Variants in UNC13C observed in about 807,000 individuals in gnomAD.
UNC13C encodes unc-13 homolog C.
A neutral mutation model predicts 245.4 loss-of-function variants in UNC13C; 174 were observed. That is an observed-to-expected ratio of 0.71 (90% CI 0.63 to 0.80). The LOEUF is 0.80. Among genes scored for constraint, UNC13C ranks in the 30% least tolerant of loss-of-function variants. The probability of loss-of-function intolerance (pLI) is 0.00; values close to 1 mark genes in which losing one functional copy is unlikely to be tolerated. For missense variants in UNC13C, 2,829 were observed against 2,602.9 expected, an observed-to-expected ratio of 1.09 and a Z score of -1.89; for synonymous variants, 992 against 895.1, an observed-to-expected ratio of 1.11 and a Z score of -1.93.
At chr15:54,038,078 G>A (rs947033985) in intron 2 of UNC13C, among the ~76,000 whole-genome samples, 69 of 127,406 alleles carry the variant, frequency 5.4e-4, no homozygotes, top group African/African-American at 1.9e-3. Flanking sequence ...GTATGTATAT[G>A]TGTGTGTGTA....
the UNC13C span, among the ~76,000 whole-genome samples, chr15:53,889,565 C>T: frequency 6.6e-6 from 1 of 152,042 alleles, no homozygotes; most frequent in Admixed American, 6.6e-5. Flanking sequence ...GCCTGATTGC[C>T]CTGGCCAGAA....
chr15:54,185,860 C>A (rs28853721), intron 4 of UNC13C, among the ~76,000 whole-genome samples: 9,612 of 147,066 alleles, frequency 0.065, 234 homozygotes, highest in African/African-American at 0.13. Flanking sequence ...TTACCTTGGG[C>A]AGTATGGCCA....
chr15:54,511,717 G>T (rs201324008), intron 23 of UNC13C, 36 bp from the exon 24 acceptor site: 3 of 1,408,168 alleles, frequency 2.1e-6, no homozygotes, highest in East Asian at 2.5e-5. Flanking sequence ...TATATAAAAA[G>T]ATTGCTCATA....
intron 4 of UNC13C, among the ~76,000 whole-genome samples, chr15:54,210,200 T>C (rs2034836053): frequency 6.9e-6 from 1 of 144,362 alleles, no homozygotes; most frequent in Non-Finnish European, 1.5e-5. Context: ...GAAAACTTAC[T>C]ATATATAAAA....
At chr15:54,454,114 T>A (rs2141012995) in intron 19 of UNC13C, among the ~76,000 whole-genome samples, 2 of 144,986 alleles carry the variant, frequency 1.4e-5, no homozygotes, top group Admixed American at 1.4e-4. Context: ...TTTTTTATAA[T>A]TTTTATTGTG....
intron 11 of UNC13C, among the ~76,000 whole-genome samples, chr15:54,294,450 T>A (rs1002642608): frequency 1.1e-4 from 17 of 151,978 alleles, no homozygotes; most frequent in African/African-American, 3.6e-4. Flanking sequence ...ATTTTGGCAA[T>A]GAAGGAAAAA....
rs564229139 is a variant in UNC13C, at chr15:54,081,931, A to G, written c.2984-61087A>G. Among the ~76,000 whole-genome samples, 54 of 151,950 alleles carry G rather than the reference A, an allele frequency of 3.6e-4. 1 individual carries two copies. The highest frequency in any genetic ancestry group is 1.3e-3 in the African/African-American group (52 of 41,436). ...TTACGGTAGCAAGTATCATCCTTTC[A>G]TTTCCATGTTTAGAAATCCTTTGAT... On this transcript the variant is annotated intron_variant, in intron 2 of 32. Coordinates refer to ENST00000260323, the MANE Select transcript of UNC13C (RefSeq NM_001080534.3).
chr15:53,886,609 G>A, the UNC13C span, among the ~76,000 whole-genome samples: 2 of 152,160 alleles, frequency 1.3e-5, no homozygotes, highest in African/African-American at 4.8e-5. Context: ...AAGAGAGGCA[G>A]TATAATTCTT....
At chr15:54,499,313 A>G (rs544439355) in intron 20 of UNC13C, among the ~76,000 whole-genome samples, 2 of 152,252 alleles carry the variant, frequency 1.3e-5, no homozygotes, top group African/African-American at 4.8e-5. Flanking sequence ...TAAACTATTC[A>G]TAAAAACTCC....
At chr15:54,020,339 A>G (rs1454292879) in intron 2 of UNC13C, among the ~76,000 whole-genome samples, 2 of 147,330 alleles carry the variant, frequency 1.4e-5, no homozygotes, top group Non-Finnish European at 3.0e-5. Flanking sequence ...CAGTGGCACG[A>G]TCTCAGCTCA....
At chr15:54,355,356 C>T (rs1023861536) in intron 17 of UNC13C, among the ~76,000 whole-genome samples, 6 of 151,980 alleles carry the variant, frequency 3.9e-5, no homozygotes, top group South Asian at 4.2e-4. Context: ...GATTTTTAAT[C>T]TCACTTTGCT....
intron 1 of UNC13C, among the ~76,000 whole-genome samples, chr15:54,007,057 T>A (rs1420643294): frequency 6.6e-6 from 1 of 152,236 alleles, no homozygotes; most frequent in African/African-American, 2.4e-5. Flanking sequence ...GTTGAACAGA[T>A]ATGTGGTGAA....
intron 4 of UNC13C, among the ~76,000 whole-genome samples, chr15:54,177,389 G>A (rs1274157102): frequency 5.3e-5 from 8 of 151,976 alleles, no homozygotes; most frequent in Non-Finnish European, 1.0e-4. Flanking sequence ...ATTAGCTAAG[G>A]CAATTTGCAT....
intron 2 of UNC13C, among the ~76,000 whole-genome samples, chr15:54,135,514 A>G (rs2031682958): frequency 6.6e-6 from 1 of 152,202 alleles, no homozygotes; most frequent in Non-Finnish European, 1.5e-5. Context: ...ATTCTTTTAC[A>G]TGTGGATATC....
At chr15:54,188,072 C>T (rs2034057405) in intron 4 of UNC13C, among the ~76,000 whole-genome samples, 1 of 152,252 alleles carries the variant, frequency 6.6e-6, no homozygotes, top group South Asian at 2.1e-4. Flanking sequence ...CCCACTTTGG[C>T]CTCCCAAAGT....
At chr15:54,380,048 G>A (rs35878382) in intron 17 of UNC13C, among the ~76,000 whole-genome samples, 40,989 of 151,736 alleles carry the variant, frequency 0.27, 5,688 homozygotes, top group Admixed American at 0.33. Context: ...TGTTAACTAT[G>A]GTAAACATGG....
intron 17 of UNC13C, among the ~76,000 whole-genome samples, chr15:54,347,515 C>G (rs2038885029): frequency 6.6e-6 from 1 of 152,124 alleles, no homozygotes; most frequent in South Asian, 2.1e-4. Context: ...CTGAAGCACA[C>G]TTAGGGACTT....
chr15:53,964,665 A>G, the UNC13C span, among the ~76,000 whole-genome samples: 1 of 152,188 alleles, frequency 6.6e-6, no homozygotes, highest in African/African-American at 2.4e-5. Flanking sequence ...CTTAGTACCT[A>G]CCCGAGCCAG....
intron 4 of UNC13C, among the ~76,000 whole-genome samples, chr15:54,206,292 G>C (rs886716660): frequency 6.6e-6 from 1 of 151,836 alleles, no homozygotes; most frequent in Non-Finnish European, 1.5e-5. Flanking sequence ...ATCTTCTTAA[G>C]GTTCCTATCC....
Sources: allele counts gnomAD v4.1 joint callset (sites outside exome capture counted in the v4.1 genomes callset), GRCh38; gene constraint gnomAD v4.1.1; transcripts MANE v1.5; gene names NCBI Gene and HGNC (gene_info 2026-07-23, HGNC 2026-07-21).